SMC3: variants seen among roughly 807,000 people sequenced by gnomAD.
SMC3 encodes structural maintenance of chromosomes 3.
SMC3 carries 20 observed loss-of-function variants against 171.8 expected under a neutral mutation model. That is an observed-to-expected ratio of 0.12 (90% CI 0.08 to 0.17). The LOEUF (loss-of-function observed/expected upper bound fraction) is 0.17, where lower values mean the gene tolerates loss of function less well. Ranked by LOEUF, SMC3 falls within the 10% of genes least tolerant of loss-of-function variation. SMC3 has a pLI of 1.00. For missense variants in SMC3, 543 were observed against 1,420.4 expected (o/e 0.38, Z 9.93); for synonymous variants, 464 against 451.1 (o/e 1.03, Z -0.36).
At chr10:110,586,033 T>G (rs2134730193) in intron 13 of SMC3, among the ~76,000 whole-genome samples, 1 of 152,030 alleles carries the variant, frequency 6.6e-6, no homozygotes, top group Middle Eastern at 3.4e-3. Flanking sequence ...CTTGACCTTG[T>G]GACCTGCCTG....
chr10:110,601,172 T>G, intron 23 of SMC3, 42 bp downstream of exon 23: 2 of 1,367,740 alleles, frequency 1.5e-6, no homozygotes, highest in Non-Finnish European at 2.1e-6. Context: ...ATGCATGTTT[T>G]ATAAAATTGT....
At chr10:110,595,097 C>T (rs1590565255) in intron 18 of SMC3, among the ~76,000 whole-genome samples, 1 of 151,964 alleles carries the variant, frequency 6.6e-6, no homozygotes, top group African/African-American at 2.4e-5. Flanking sequence ...ATTCTCCTGC[C>T]TCAGCCTCCC....
At position 110,583,377 on chromosome 10, in the gene SMC3, T is replaced by C. The variant is rs754390014; in HGVS notation, c.805-7T>C. 5.6e-6 allele frequency: 9 copies of C among 1,610,708 alleles called. No homozygotes were observed. Among genetic ancestry groups the C allele is most frequent in the African/African-American group, 1.3e-5 (1 of 74,820 alleles). On this transcript the variant is annotated splice_polypyrimidine_tract_variant and splice_region_variant and intron_variant, in intron 10 of 28. Transcript: ENST00000361804. ...TGCCTTATTTTCTGTTTAATACTTT[T>C]GAATAGGATATCGAACGCCAAGTTA...
rs1189524388 is a variant in SMC3, at chr10:110,568,567, T to A, written c.16-371T>A. On this transcript the variant is annotated intron_variant, in intron 1 of 28. Transcript: ENST00000361804. ...CGGCGTGAGTGACTGAAAGCAGCAC[T>A]CGGTGGTCTTGGAGTCAGGAGAGCT... 2.1e-5 allele frequency: 5 copies of A among 239,864 alleles called. No homozygotes were observed. The East Asian group carries it at 5.9e-4, about 28-fold the overall frequency. The allele number at this position is 239,864 out of a possible 1,614,324, so 14.9% of individuals were successfully genotyped here.
chr10:110,578,827 T>C, intron 7 of SMC3, 121 bp downstream of exon 7: 1 of 727,872 alleles, frequency 1.4e-6, no homozygotes, highest in East Asian at 2.7e-5. Context: ...TTCTTTTACA[T>C]GGCCATAAAG....
rs1368132924 is a variant in SMC3, at chr10:110,584,403, A to G, written c.1305+7A>G. The G allele has an allele frequency of 6.3e-7, 1 of 1,583,118 alleles. No individual in the cohort carries two copies. The highest frequency in any genetic ancestry group is 1.1e-5 in the South Asian group (1 of 90,260). On this transcript the variant is annotated splice_region_variant and intron_variant, in intron 13 of 28. Coordinates refer to ENST00000361804, the MANE Select transcript of SMC3 (RefSeq NM_005445.4). The stretch of plus-strand genomic sequence containing the variant: ...AAATCTGGAGCAGTATAATGTAAGA[A>G]CTTCTATAGCTGCTTTGTAAAAATC...
intron 6 of SMC3, 73 bp downstream of exon 6, chr10:110,577,987 A>G (rs1467709296): frequency 9.3e-7 from 1 of 1,078,220 alleles, no homozygotes; most frequent in African/African-American, 1.6e-5. Context: ...TGTGTTGGCC[A>G]GGTTGGTCTC....
chr10:110,577,822 C>T lies in SMC3; in HGVS notation c.271-13C>T. On this transcript the variant is annotated splice_polypyrimidine_tract_variant and intron_variant, in intron 5 of 28. Coordinates refer to ENST00000361804, the MANE Select transcript of SMC3 (RefSeq NM_005445.4). ...CTATTAAATTAACTGTGGGCTTTTACATTTTTTCTTAGATCGATAAAGAGG... is the reference window on the plus strand; with the variant it reads ...CTATTAAATTAACTGTGGGCTTTTATATTTTTTCTTAGATCGATAAAGAGG... 1 of 1,589,088 alleles carries T rather than the reference C, an allele frequency of 6.3e-7. No homozygotes were observed. The highest frequency in any genetic ancestry group is 8.6e-7 in the Non-Finnish European group (1 of 1,158,086).
At chr10:110,591,223 A>G (rs1308640283) in intron 17 of SMC3, 91 bp downstream of exon 17, 6 of 1,234,060 alleles carry the variant, frequency 4.9e-6, no homozygotes, top group Admixed American at 1.8e-5. Context: ...GGCACTATAC[A>G]CTGGGATTCA....
At chr10:110,598,948 G>T (rs1184055165) in intron 20 of SMC3, among the ~76,000 whole-genome samples, 1 of 151,480 alleles carries the variant, frequency 6.6e-6, no homozygotes, top group African/African-American at 2.4e-5. Context: ...AAATTAGAAA[G>T]CAAACTTATA....
chr10:110,582,664 A>C (rs186217179), intron 10 of SMC3, 22 bp downstream of exon 10: 2 of 1,561,730 alleles, frequency 1.3e-6, no homozygotes, highest in Non-Finnish European at 1.8e-6. Context: ...AACAAGGTTC[A>C]TGTTAACTTA....
chr10:110,583,563 T>TA lies in SMC3; in HGVS notation c.969+20dup. ...GTGAACAAAGGGTAAGTTAAAATGC[T>TA]AAAAATGAAAGATGTGAATGTTCAG... On this transcript the variant is annotated intron_variant, in intron 11 of 28. Coordinates refer to ENST00000361804, the MANE Select transcript of SMC3 (RefSeq NM_005445.4). 6.2e-7 allele frequency: 1 copy of TA among 1,613,054 alleles called. No homozygotes were observed. The highest frequency in any genetic ancestry group is 1.1e-5 in the South Asian group (1 of 91,016).
intron 21 of SMC3, 113 bp from the exon 22 acceptor site, chr10:110,600,326 T>C (rs1429419863): frequency 1.7e-5 from 12 of 711,184 alleles, no homozygotes; most frequent in South Asian, 1.6e-4. Context: ...ATATAACATA[T>C]TAAACTTCAT....
At chr10:110,597,308 G>T (rs558673563) in intron 19 of SMC3, among the ~76,000 whole-genome samples, 2 of 152,004 alleles carry the variant, frequency 1.3e-5, no homozygotes, top group African/African-American at 4.8e-5. Flanking sequence ...TGCATGAGGA[G>T]TGGTTAGTTC....
intron 13 of SMC3, among the ~76,000 whole-genome samples, chr10:110,586,940 A>C (rs960867972): frequency 6.6e-6 from 1 of 152,202 alleles, no homozygotes; most frequent in Non-Finnish European, 1.5e-5. Context: ...TACAGGCGTG[A>C]GCCACCGCGC....
At chr10:110,569,109 CTT>C (rs1302726290) in intron 2 of SMC3, 96 bp downstream of exon 2, 4 of 808,910 alleles carry the variant, frequency 4.9e-6, no homozygotes, top group Non-Finnish European at 6.5e-6. Flanking sequence ...CAGGAATTGT[CTT>C]TGAATATTAA....
chr10:110,599,356 A>G (rs1367381875), intron 20 of SMC3, among the ~76,000 whole-genome samples: 2 of 152,156 alleles, frequency 1.3e-5, no homozygotes, highest in Admixed American at 1.3e-4. Flanking sequence ...TGGCCTCCCA[A>G]AGTGCTGGGG....
chr10:110,599,567 C>A, intron 20 of SMC3, 87 bp from the exon 21 acceptor site: 1 of 1,193,448 alleles, frequency 8.4e-7, no homozygotes, highest in Non-Finnish European at 1.2e-6. Flanking sequence ...ATATATTTAG[C>A]TCAATCAAAT....
At chr10:110,586,360 G>C (rs1861115721) in intron 13 of SMC3, among the ~76,000 whole-genome samples, 1 of 152,176 alleles carries the variant, frequency 6.6e-6, no homozygotes, top group South Asian at 2.1e-4. Flanking sequence ...ATACTTTGTG[G>C]AAGGAGTGGA....
Sources: gnomAD v4.1 joint callset for allele counts (sites outside exome capture counted in the v4.1 genomes callset) on GRCh38, gnomAD v4.1.1 for gene constraint, MANE v1.5 for transcripts, NCBI Gene and HGNC (gene_info 2026-07-23, HGNC 2026-07-21) for gene names.